The following TMEM165 variants were observed in gnomAD, a reference collection of about 807,000 sequenced individuals.
TMEM165 encodes the protein transmembrane protein 165.
Under a neutral mutation model 30.0 loss-of-function variants are expected in TMEM165, and 19 were observed. That is an observed-to-expected ratio of 0.63 (90% CI 0.44 to 0.93). The LOEUF is 0.93. Ranked by LOEUF, TMEM165 falls within the 40% of genes least tolerant of loss-of-function variation. TMEM165 has a pLI of 0.00. For synonymous variants in TMEM165, 168 were observed against 162.9 expected (o/e 1.03, Z -0.24); for missense variants, 340 against 417.0 (o/e 0.82, Z 1.61).
At chr4:55,444,436 C>T (rs1232025988) in intron 3 of TMEM165, among the ~76,000 whole-genome samples, 1 of 152,098 alleles carries the variant, frequency 6.6e-6, no homozygotes, top group Non-Finnish European at 1.5e-5. Flanking sequence ...AGGATGTTGA[C>T]AGAAATACCC....
intron 1 of TMEM165, among the ~76,000 whole-genome samples, chr4:55,397,774 T>C (rs1262656754): frequency 6.6e-6 from 1 of 152,006 alleles, no homozygotes; most frequent in Non-Finnish European, 1.5e-5. Flanking sequence ...TGAGACAGGG[T>C]CTCGCTCTGT....
At chr4:55,448,540 C>A (rs1200819396) in intron 3 of TMEM165, among the ~76,000 whole-genome samples, 2 of 151,802 alleles carry the variant, frequency 1.3e-5, no homozygotes, top group African/African-American at 4.8e-5. Context: ...TCCTAAATGA[C>A]CCCAGTTAAG....
Position 55,445,281 on chromosome 4 carries a change from G to A in TMEM165, c.409-6958G>A, listed in dbSNP as rs909899849. ...TCTCACTTTTACATACACCTGCCCC[G>A]GCAGGTGGCTTTCCAGCAAGTCTCA... On this transcript the variant is annotated intron_variant, in intron 3 of 3. Coordinates refer to the TMEM165 transcript ENST00000608091. Among the ~76,000 whole-genome samples the A allele has an allele frequency of 4.6e-5, 7 of 151,998 alleles. 2 individuals are homozygous for A. Among genetic ancestry groups the A allele is most frequent in the East Asian group, 1.9e-4 (1 of 5,156 alleles).
At chr4:55,437,972 G>A (rs980430484) in intron 3 of TMEM165, among the ~76,000 whole-genome samples, 81 of 152,198 alleles carry the variant, frequency 5.3e-4, no homozygotes, top group African/African-American at 2.0e-3. Flanking sequence ...GGAAAGAGGT[G>A]CTTGCTTAAG....
intron 1 of TMEM165, among the ~76,000 whole-genome samples, chr4:55,402,200 CAT>C (rs779684146): frequency 7.0e-6 from 1 of 142,380 alleles, no homozygotes; most frequent in Non-Finnish European, 1.5e-5. Context: ...TAAAAATAAA[CAT>C]TCATTAAAAC....
intron 1 of TMEM165, among the ~76,000 whole-genome samples, chr4:55,408,174 G>T (rs76770297): frequency 6.6e-6 from 1 of 152,128 alleles, no homozygotes; most frequent in East Asian, 1.9e-4. Flanking sequence ...GATACTTTTC[G>T]TTTTAAGTTC....
chr4:55,445,369 C>T (rs892169894), intron 3 of TMEM165, among the ~76,000 whole-genome samples: 29 of 152,066 alleles, frequency 1.9e-4, no homozygotes, highest in African/African-American at 6.0e-4. Flanking sequence ...TGGCTTCCAG[C>T]TCTCTACCTC....
Position 55,424,529 on chromosome 4 carries a change from T to C in TMEM165, c.793-9T>C. ...GGTTTTGAATTAATGCTGTGACGCT[T>C]GCTTCCAGGACCCCTATGGTGTAGC... On this transcript the variant is annotated splice_polypyrimidine_tract_variant and intron_variant, in intron 4 of 5. Coordinates refer to ENST00000381334, the MANE Select transcript of TMEM165 (RefSeq NM_018475.5). 3 of 1,588,106 alleles carry C rather than the reference T, an allele frequency of 1.9e-6. No homozygotes were observed. The highest frequency in any genetic ancestry group is 2.6e-6 in the Non-Finnish European group (3 of 1,156,920).
chr4:55,414,351 C>T (rs1721643210), intron 2 of TMEM165, among the ~76,000 whole-genome samples: 2 of 151,576 alleles, frequency 1.3e-5, no homozygotes, highest in Non-Finnish European at 2.9e-5. Flanking sequence ...GTTTAACAGT[C>T]TTTATATTAT....
chr4:55,403,302 C>G (rs1403431744), intron 1 of TMEM165: 1 of 1,276,674 alleles, frequency 7.8e-7, no homozygotes, highest in Admixed American at 2.3e-5. Flanking sequence ...TTCATCTTCT[C>G]TAGTTTCATC....
intron 3 of TMEM165, among the ~76,000 whole-genome samples, chr4:55,436,146 T>C (rs553230922): frequency 8.5e-5 from 13 of 152,248 alleles, no homozygotes; most frequent in East Asian, 1.9e-4. Flanking sequence ...CTTTAGAAAA[T>C]AGGAATAACA....
chr4:55,405,050 AT>A (rs1036506449), intron 1 of TMEM165, among the ~76,000 whole-genome samples: 2 of 151,142 alleles, frequency 1.3e-5, no homozygotes, highest in South Asian at 2.1e-4. Flanking sequence ...TTTTTTTCCT[AT>A]TTTTTTTCCT....
chr4:55,450,177 A>G (rs1303579766), intron 3 of TMEM165: 3 of 1,613,934 alleles, frequency 1.9e-6, no homozygotes, highest in Non-Finnish European at 2.5e-6. Flanking sequence ...AAACCTTTCC[A>G]ATGCTTCCTT....
chr4:55,417,283 C>A, intron 3 of TMEM165, 36 bp downstream of exon 3: 2 of 1,589,144 alleles, frequency 1.3e-6, no homozygotes, highest in South Asian at 1.2e-5. Flanking sequence ...ACCAAAAAGG[C>A]ACTCAACTAG....
At chr4:55,406,559 G>T (rs182103196) in intron 1 of TMEM165, among the ~76,000 whole-genome samples, 3 of 152,170 alleles carry the variant, frequency 2.0e-5, no homozygotes. Context: ...CTATATTAGT[G>T]TATAGAACAT....
intron 4 of TMEM165, chr4:55,423,771 A>G (rs1428157587): frequency 6.6e-6 from 1 of 152,228 alleles, no homozygotes; most frequent in African/African-American, 2.4e-5. Context: ...CCAGCTAAAA[A>G]CCAACAAGTG....
At chr4:55,431,756 C>T (rs1187118827) in intron 3 of TMEM165, 2 of 152,230 alleles carry the variant, frequency 1.3e-5, no homozygotes, top group Non-Finnish European at 2.9e-5. Flanking sequence ...TTGCATTCCA[C>T]TTTTAAAAAG....
chr4:55,449,612 A>G lies in TMEM165; in HGVS notation c.409-2627A>G, dbSNP rs1724244825. The G allele has an allele frequency of 4.5e-6, 4 of 882,014 alleles. No individual in the cohort carries two copies. The South Asian group carries it at 5.9e-5, about 13-fold the overall frequency. 54.6% of individuals were successfully genotyped at this position (882,014 alleles called of 1,614,324 possible). On this transcript the variant is annotated intron_variant, in intron 3 of 3. Transcript: ENST00000608091. ...GGCTTTTGAATTATTTTTCCAAACC[A>G]TTCAATGAAAGTGAAGTCCATGACA... is the stretch of plus-strand genomic sequence containing the variant.
intron 3 of TMEM165, chr4:55,443,668 C>G: frequency 6.3e-7 from 1 of 1,595,102 alleles, no homozygotes; most frequent in Non-Finnish European, 8.6e-7. Flanking sequence ...CCATAGCCCG[C>G]TGTGCTCAGT....
Sources: gnomAD v4.1 joint callset for allele counts (sites outside exome capture counted in the v4.1 genomes callset) on GRCh38, gnomAD v4.1.1 for gene constraint, MANE v1.5 for transcripts, NCBI Gene and HGNC (gene_info 2026-07-23, HGNC 2026-07-21) for gene names.